Variants in CPAMD8 observed in about 807,000 individuals in gnomAD.
CPAMD8 encodes the protein C3 and PZP like alpha-2-macroglobulin domain containing 8.
CPAMD8 carries 146 observed loss-of-function variants against 224.7 expected under a neutral mutation model. The ratio of observed to expected loss-of-function variants is 0.65; its 90% CI spans 0.57 to 0.75. The LOEUF is 0.75. Among genes scored for constraint, CPAMD8 ranks in the 30% least tolerant of loss-of-function variants. The pLI, the probability that CPAMD8 is intolerant of heterozygous loss-of-function variation, is 0.00. For synonymous variants in CPAMD8, 966 were observed against 1,044.6 expected (o/e 0.92, Z 1.45); for missense variants, 2,301 against 2,537.5 (o/e 0.91, Z 2.00).
chr19:16,976,943 G>A (rs549840542), intron 15 of CPAMD8, among the ~76,000 whole-genome samples: 2 of 152,288 alleles, frequency 1.3e-5, no homozygotes, highest in South Asian at 4.1e-4. Context: ...TCGGGAGGCT[G>A]AGGCCGGAGA....
intron 23 of CPAMD8, among the ~76,000 whole-genome samples, chr19:16,931,249 C>A (rs1178423620): frequency 6.6e-6 from 1 of 152,178 alleles, no homozygotes; most frequent in African/African-American, 2.4e-5. Flanking sequence ...TAGGTCGGCC[C>A]AGCCCAGCTC....
chr19:16,903,100 T>C (rs1230121241), intron 34 of CPAMD8, among the ~76,000 whole-genome samples: 1 of 152,130 alleles, frequency 6.6e-6, no homozygotes, highest in Non-Finnish European at 1.5e-5. Context: ...TGCTCAGCTA[T>C]GTCTGAGTCT....
chr19:16,904,547 C>T lies in CPAMD8; in HGVS notation c.4033G>A (p.Val1345Ile), dbSNP rs377657587. 5.0e-6 allele frequency: 8 copies of T among 1,611,538 alleles called. No individual in the cohort carries two copies. The African/African-American group carries it at 5.3e-5, about 11-fold the overall frequency. ...GAATTTGACAGGCTCCAGTGGGTGA[C>T]CCCATCTGCAAGGAAAGGAGTGGTC... Reference protein sequence around the residue: ...LRSLAIMRDGVTHWSLSNSWD... With the variant: ...LRSLAIMRDGITHWSLSNSWD... The change falls in exon 31 of 42, where the codon GTC becomes ATC. Residue 1345 changes from valine (V) to isoleucine (I), a missense_variant. Around this residue, in one of 4 missense-constraint regions of CPAMD8, gnomAD observed 1,709 missense variants for 1,753.2 expected, o/e 0.97. Transcript: ENST00000443236.
At chr19:16,927,458 T>C (rs576150656) in intron 25 of CPAMD8, among the ~76,000 whole-genome samples, 1 of 152,154 alleles carries the variant, frequency 6.6e-6, no homozygotes, top group East Asian at 1.9e-4. Flanking sequence ...CTTGGGTATG[T>C]CTTTATCAGC....
intron 9 of CPAMD8, among the ~76,000 whole-genome samples, chr19:17,001,593 C>T (rs59417184): frequency 0.24 from 36,021 of 151,474 alleles, 4,670 homozygotes; most frequent in African/African-American, 0.34. Context: ...GAGACAGGGG[C>T]GTGCTCATAG....
In CPAMD8 at chr19:16,904,102, T is replaced by G; in HGVS notation, c.4251+124A>C. 4 of 1,143,966 alleles carry G rather than the reference T, an allele frequency of 3.5e-6. No homozygotes were observed. In the South Asian group the frequency reaches 6.0e-5, roughly 17 times the overall value. 70.9% of individuals were successfully genotyped at this position (1,143,966 alleles called of 1,614,324 possible). On this transcript the variant is annotated intron_variant, in intron 32 of 41. Transcript: ENST00000443236. ...TGTCCCTCACCCCCAACCCCTGCCC[T>G]CTTTGGGGCTCCATAAGGTGAGAAG... is the stretch of plus-strand genomic sequence containing the variant.
intron 14 of CPAMD8, among the ~76,000 whole-genome samples, chr19:16,979,832 C>T (rs201136487): frequency 2.1e-5 from 3 of 145,468 alleles, no homozygotes; most frequent in Non-Finnish European, 4.5e-5. Flanking sequence ...TCTATCTATC[C>T]ACCCATCATT....
chr19:16,918,426 T>C (rs960039614), intron 27 of CPAMD8, among the ~76,000 whole-genome samples: 5 of 150,480 alleles, frequency 3.3e-5, no homozygotes, highest in African/African-American at 1.2e-4. Flanking sequence ...TTTGGAACTT[T>C]GTGGAATTTT....
At chr19:17,024,172 G>T (rs908099694) in intron 1 of CPAMD8, among the ~76,000 whole-genome samples, 3 of 152,214 alleles carry the variant, frequency 2.0e-5, no homozygotes, top group Admixed American at 2.0e-4. Flanking sequence ...GACGCAGTGG[G>T]TTTGTGTTGT....
intron 27 of CPAMD8, among the ~76,000 whole-genome samples, chr19:16,916,671 G>A (rs1052233047): frequency 6.6e-5 from 10 of 151,898 alleles, no homozygotes; most frequent in East Asian, 2.0e-4. Flanking sequence ...CTCAGGAGGC[G>A]GAGGTTGCAG....
chr19:16,949,651 C>T (rs997482141), intron 20 of CPAMD8, among the ~76,000 whole-genome samples: 1 of 152,204 alleles, frequency 6.6e-6, no homozygotes, highest in Non-Finnish European at 1.5e-5. Flanking sequence ...TCCTCACCTG[C>T]TTTTCCATCT....
chr19:16,946,219 G>T (rs965544654), intron 21 of CPAMD8, among the ~76,000 whole-genome samples: 19 of 151,232 alleles, frequency 1.3e-4, no homozygotes, highest in African/African-American at 4.2e-4. Context: ...GCATGTGTCT[G>T]TGTGTGTGGA....
intron 3 of CPAMD8, among the ~76,000 whole-genome samples, chr19:17,016,970 C>T (rs1429852272): frequency 1.3e-5 from 2 of 151,700 alleles, no homozygotes; most frequent in African/African-American, 4.8e-5. Flanking sequence ...GGGCCACAGA[C>T]TGGTACCAGT....
chr19:16,975,189 A>T lies in CPAMD8; in HGVS notation c.1978T>A (p.Trp660Arg). 1 of 1,611,656 alleles carries T rather than the reference A, an allele frequency of 6.2e-7. No individual in the cohort carries two copies. Among genetic ancestry groups the T allele is most frequent in the South Asian group, 1.1e-5 (1 of 90,538 alleles). Reference sequence around the variant, plus strand: ...CGTTGTGCCGTCAGCCCAGCCCACCAAAAAGGACCATCCTCCCTGGACACG... The same window carrying T: ...CGTTGTGCCGTCAGCCCAGCCCACCTAAAAGGACCATCCTCCCTGGACACG... Reference protein sequence around the residue: ...FGVSREDGPFWWAGLTAQRRR... With the variant: ...FGVSREDGPFRWAGLTAQRRR... Residue 660 changes from tryptophan to arginine, a missense_variant, in exon 17 of 42, where the codon TGG becomes AGG. Physicochemically the swap from Trp to Arg is moderately radical, Grantham distance 101 (BLOSUM62 -3). Around this residue, in one of 4 missense-constraint regions of CPAMD8, gnomAD observed 1,709 missense variants for 1,753.2 expected, o/e 0.97. Coordinates refer to ENST00000443236, the MANE Select transcript of CPAMD8 (RefSeq NM_015692.5).
chr19:16,969,969 T>C (rs548078169), intron 18 of CPAMD8, among the ~76,000 whole-genome samples: 1 of 151,190 alleles, frequency 6.6e-6, no homozygotes, highest in Non-Finnish European at 1.5e-5. Context: ...GCGCAGTGGC[T>C]CATGCCTGTA....
rs1311800135 is a variant in CPAMD8, at chr19:16,977,299, CT to C, written c.1758+68del. The C allele has an allele frequency of 8.8e-6, 9 of 1,026,424 alleles. No individual in the cohort carries two copies. In the African/African-American group the frequency reaches 1.1e-4, roughly 13 times the overall value. The allele number at this position is 1,026,424 out of a possible 1,614,324, so 63.6% of individuals were successfully genotyped here. ...TGAGTCTCAGGTGTGCACAGACCCC[CT>C]GGCCAGCACCTTGGAGAAGCCCCGA... is the stretch of plus-strand genomic sequence containing the variant. On this transcript the variant is annotated intron_variant, in intron 15 of 41. Transcript: ENST00000443236.
chr19:16,958,157 T>C (rs1036596795), intron 18 of CPAMD8, among the ~76,000 whole-genome samples: 2 of 152,338 alleles, frequency 1.3e-5, no homozygotes, highest in Middle Eastern at 3.4e-3. Flanking sequence ...CAGAAGTACA[T>C]GTGCAGGTCT....
Position 16,989,567 on chromosome 19 carries a change from A to T in CPAMD8, c.1395+76T>A, listed in dbSNP as rs56146384. 151,737 of 1,542,224 alleles carry T rather than the reference A, an allele frequency of 0.098. 8,902 individuals are homozygous for T. Among genetic ancestry groups the T allele is most frequent in the African/African-American group, 0.21 (15,417 of 72,392 alleles). On this transcript the variant is annotated intron_variant, in intron 13 of 41. Coordinates refer to ENST00000443236, the MANE Select transcript of CPAMD8 (RefSeq NM_015692.5). ...CTCCCAAAATGCTGGGATTACAGGCATGAGCCACAGCACCTGGCTCATGCT... is the reference window on the plus strand; with the variant it reads ...CTCCCAAAATGCTGGGATTACAGGCTTGAGCCACAGCACCTGGCTCATGCT...
At chr19:17,018,806 G>A (rs1007575944) in intron 3 of CPAMD8, among the ~76,000 whole-genome samples, 1 of 151,616 alleles carries the variant, frequency 6.6e-6, no homozygotes, top group African/African-American at 2.4e-5. Flanking sequence ...CTACTTGGGA[G>A]GCTGGGGCAC....
Sources: gnomAD v4.1 joint callset for allele counts (sites outside exome capture counted in the v4.1 genomes callset) on GRCh38, gnomAD v4.1.1 for gene constraint, gnomAD v4.1.1 regional missense constraint, MANE v1.5 for transcripts, NCBI Gene and HGNC (gene_info 2026-07-23, HGNC 2026-07-21) for gene names.